MAP2: variants seen among roughly 807,000 people sequenced by gnomAD.
The protein encoded by MAP2 is microtubule associated protein 2.
Under a neutral mutation model 137.6 loss-of-function variants are expected in MAP2, and 14 were observed. The ratio of observed to expected loss-of-function variants is 0.10; its 90% CI spans 0.07 to 0.16. The LOEUF is 0.16. MAP2 is among the 10% of genes least tolerant of loss of function. MAP2 has a pLI of 1.00. For synonymous variants in MAP2, 786 were observed against 782.3 expected, an observed-to-expected ratio of 1.00 and a Z score of -0.08; for missense variants, 2,088 against 2,191.5, an observed-to-expected ratio of 0.95 and a Z score of 0.94.
intron 2 of MAP2, among the ~76,000 whole-genome samples, chr2:209,570,903 C>T (rs1045701145): frequency 6.6e-6 from 1 of 151,776 alleles, no homozygotes; most frequent in South Asian, 2.1e-4. Flanking sequence ...GTCATAATAG[C>T]GTAGTTCTGT....
chr2:209,478,595 C>A (rs1158325280), intron 1 of MAP2, among the ~76,000 whole-genome samples: 1 of 152,202 alleles, frequency 6.6e-6, no homozygotes, highest in Non-Finnish European at 1.5e-5. Flanking sequence ...GCTGCTGCGA[C>A]TCTCCTGTTG....
At chr2:209,593,802 TATATAATATA>T (rs2080304431) in intron 3 of MAP2, among the ~76,000 whole-genome samples, 1 of 24,310 alleles carries the variant, frequency 4.1e-5, no homozygotes, top group Admixed American at 7.4e-4. Flanking sequence ...TTATATATAA[TATATAATATA>T]ATATAATACA....
intron 2 of MAP2, among the ~76,000 whole-genome samples, chr2:209,511,426 G>T (rs1337349009): frequency 1.3e-5 from 2 of 152,064 alleles, no homozygotes; most frequent in Non-Finnish European, 2.9e-5. Context: ...TTAACACAAG[G>T]CTCTCAGTGC....
At chr2:209,499,209 G>A (rs1374183199) in intron 1 of MAP2, among the ~76,000 whole-genome samples, 1 of 152,116 alleles carries the variant, frequency 6.6e-6, no homozygotes, top group Non-Finnish European at 1.5e-5. Flanking sequence ...ATGCTGTATA[G>A]TCACCATGAA....
At chr2:209,576,378 G>A (rs1346668933) in intron 2 of MAP2, among the ~76,000 whole-genome samples, 2 of 151,934 alleles carry the variant, frequency 1.3e-5, no homozygotes, top group Non-Finnish European at 2.9e-5. Flanking sequence ...CAAGTAGCTG[G>A]GACTACAGGC....
chr2:209,539,686 A>T (rs2066556823), intron 2 of MAP2, among the ~76,000 whole-genome samples: 1 of 151,748 alleles, frequency 6.6e-6, no homozygotes, highest in African/African-American at 2.4e-5. Flanking sequence ...ACTAGTAAAT[A>T]TGAATTTTTA....
chr2:209,703,994 A>G (rs573409731), intron 11 of MAP2: 11 of 455,894 alleles, frequency 2.4e-5, no homozygotes, highest in Admixed American at 1.2e-4. Flanking sequence ...CAGGGTGTCC[A>G]TGTGCAGGCT....
chr2:209,660,199 A>C (rs569576720), intron 5 of MAP2, among the ~76,000 whole-genome samples: 48 of 152,090 alleles, frequency 3.2e-4, no homozygotes, highest in African/African-American at 1.1e-3. Flanking sequence ...CAGGCATGCT[A>C]TCCAGACCTA....
intron 12 of MAP2, among the ~76,000 whole-genome samples, chr2:209,709,638 C>T (rs952891887): frequency 2.6e-5 from 4 of 151,800 alleles, no homozygotes; most frequent in Non-Finnish European, 4.4e-5. Flanking sequence ...TAGTTTTTGA[C>T]ACATTCATAA....
intron 8 of MAP2, 55 bp from the exon 9 acceptor site, chr2:209,696,487 T>C: frequency 6.6e-7 from 1 of 1,515,754 alleles, no homozygotes; most frequent in South Asian, 1.2e-5. Context: ...TTTGTACACT[T>C]GTTACTAATG....
chr2:209,531,623 T>G (rs1577285595), intron 2 of MAP2, among the ~76,000 whole-genome samples: 2 of 152,350 alleles, frequency 1.3e-5, no homozygotes, highest in Non-Finnish European at 1.5e-5. Context: ...GACTTATTTG[T>G]CTGTGTACTT....
chr2:209,574,466 C>T (rs1225271800), intron 2 of MAP2, among the ~76,000 whole-genome samples: 1 of 151,438 alleles, frequency 6.6e-6, no homozygotes, highest in African/African-American at 2.4e-5. Flanking sequence ...CACACAGACA[C>T]AGAGATTATG....
intron 3 of MAP2, among the ~76,000 whole-genome samples, chr2:209,590,661 G>A (rs1288241697): frequency 6.6e-6 from 1 of 152,116 alleles, no homozygotes; most frequent in Non-Finnish European, 1.5e-5. Flanking sequence ...TTTAAAAATT[G>A]AAAGTTGACT....
chr2:209,586,348 A>G (rs1350422121), intron 3 of MAP2, among the ~76,000 whole-genome samples: 2 of 152,126 alleles, frequency 1.3e-5, no homozygotes, highest in African/African-American at 2.4e-5. Context: ...TGGGCTTGGC[A>G]TGCAAAATGT....
intron 1 of MAP2, among the ~76,000 whole-genome samples, chr2:209,467,316 C>T (rs978169346): frequency 3.9e-5 from 6 of 152,134 alleles, no homozygotes; most frequent in Middle Eastern, 3.2e-3. Flanking sequence ...CCAGAAGATG[C>T]TTTCCAAATT....
At chr2:209,478,005 A>G (rs1413648052) in intron 1 of MAP2, among the ~76,000 whole-genome samples, 2 of 152,172 alleles carry the variant, frequency 1.3e-5, no homozygotes, top group African/African-American at 2.4e-5. Context: ...CTCTGTCTCA[A>G]AAAATAAAAT....
chr2:209,460,379 C>T (rs575661641), intron 1 of MAP2, among the ~76,000 whole-genome samples: 7 of 152,166 alleles, frequency 4.6e-5, no homozygotes, highest in Admixed American at 3.9e-4. Context: ...TTCTTTGGGA[C>T]GTGGATATTG....
At chr2:209,600,452 C>G (rs1165691269) in intron 3 of MAP2, among the ~76,000 whole-genome samples, 1 of 152,154 alleles carries the variant, frequency 6.6e-6, no homozygotes, top group African/African-American at 2.4e-5. Flanking sequence ...CTGTCAGTCC[C>G]CCCAGCTGGC....
chr2:209,725,677 T>C, intron 13 of MAP2, 32 bp from the exon 14 acceptor site: 1 of 1,435,592 alleles, frequency 7.0e-7, no homozygotes. Context: ...ATGTTTGAAC[T>C]ATTTTAAGCA....
Sources: gnomAD v4.1 joint callset for allele counts (sites outside exome capture counted in the v4.1 genomes callset) on GRCh38, gnomAD v4.1.1 for gene constraint, MANE v1.5 for transcripts, NCBI Gene and HGNC (gene_info 2026-07-23, HGNC 2026-07-21) for gene names.